The following NBPF6 variants were observed in gnomAD, a reference collection of about 807,000 sequenced individuals.
The protein encoded by NBPF6 is NBPF family member NBPF6.
NBPF6 carries 2 observed loss-of-function variants against 20.8 expected under a neutral mutation model. The ratio of observed to expected loss-of-function variants is 0.10; its 90% CI spans 0.04 to 0.30. The LOEUF (loss-of-function observed/expected upper bound fraction) is 0.30, where lower values mean the gene tolerates loss of function less well. Among genes scored for constraint, NBPF6 ranks in the 10% least tolerant of loss-of-function variants. NBPF6 has a pLI of 1.00. For missense variants in NBPF6, 85 were observed against 260.3 expected (o/e 0.33, Z 4.63); for synonymous variants, 24 against 100.0 (o/e 0.24, Z 4.53).
At chr1:108,470,555 C>T (rs1558078582) in intron 14 of NBPF6, 42 bp from the exon 15 acceptor site, 8 of 1,507,978 alleles carry the variant, frequency 5.3e-6, no homozygotes, top group Admixed American at 4.4e-5. Context: ...GTGGACCTGA[C>T]AAAAATGCTC....
At chr1:108,469,716 G>A (rs1057070175) in intron 14 of NBPF6, among the ~76,000 whole-genome samples, 5 of 140,304 alleles carry the variant, frequency 3.6e-5, no homozygotes, top group African/African-American at 8.2e-5. Context: ...AAAATAAGTT[G>A]GGCCATGGTT....
chr1:108,459,557 A>G (rs1434439432), intron 9 of NBPF6, among the ~76,000 whole-genome samples: 4 of 140,802 alleles, frequency 2.8e-5, no homozygotes, highest in African/African-American at 1.0e-4. Context: ...CTCAAAACCT[A>G]TGTTTACTTG....
Position 108,467,658 on chromosome 1 carries a change from G to A in NBPF6, c.1868G>A (p.Ser623Asn), listed in dbSNP as rs1367194485. The A allele has an allele frequency of 6.5e-7, 1 of 1,549,332 alleles. No individual in the cohort carries two copies. The highest frequency in any genetic ancestry group is 2.4e-5 in the East Asian group (1 of 40,926). Residue 623 changes from serine to asparagine, a missense_variant, in exon 14 of 15, where the codon AGT becomes AAT. Ser to Asn is a conservative substitution (Grantham distance 46). Around this residue, in one of 5 missense-constraint regions of NBPF6, gnomAD observed 31 missense variants for 21.0 expected, o/e 1.48. Transcript: ENST00000495380. ...AFRFAGPHAE[S>N]AEIPNTAERM... The stretch of plus-strand genomic sequence containing the variant: ...AGATTCGCTGGCCCGCATGCTGAGA[G>A]TGCAGAGGTAATCACATCTATGGCT...
chr1:108,436,805 A>G, the NBPF6 span, among the ~76,000 whole-genome samples: 17 of 76,906 alleles, frequency 2.2e-4, no homozygotes, highest in African/African-American at 5.8e-4. Context: ...GTGTATAAAA[A>G]TAAGTAAAAA....
chr1:108,468,162 G>C (rs1379937233), intron 14 of NBPF6, among the ~76,000 whole-genome samples: 1 of 151,422 alleles, frequency 6.6e-6, no homozygotes, highest in African/African-American at 2.4e-5. Flanking sequence ...CTCTGAATGA[G>C]AAGTGTTAAA....
the NBPF6 span, among the ~76,000 whole-genome samples, chr1:108,437,747 A>G: frequency 2.2e-3 from 74 of 33,722 alleles, no homozygotes; most frequent in African/African-American, 6.3e-3. Flanking sequence ...GGAAGGAAGG[A>G]AAGGAAGGAA....
At chr1:108,459,254 C>T (rs1347689181) in intron 9 of NBPF6, 145 bp downstream of exon 9, 1 of 144,996 alleles carries the variant, frequency 6.9e-6, no homozygotes, top group African/African-American at 4.1e-5. Context: ...TTTACATTTT[C>T]ATTGTGAAAC....
At chr1:108,446,245 T>A (rs1368001574), upstream of NBPF6, among the ~76,000 whole-genome samples, 5 of 28,742 alleles carry the variant, frequency 1.7e-4, no homozygotes, top group African/African-American at 2.9e-4. Flanking sequence ...ATACAGTTAT[T>A]TAAAGCTTTT....
intron 9 of NBPF6, among the ~76,000 whole-genome samples, chr1:108,459,609 T>A (rs1160243782): frequency 1.4e-5 from 1 of 69,378 alleles, no homozygotes; most frequent in East Asian, 4.6e-4. Flanking sequence ...AAGAAAGGAA[T>A]GAAACCACTG....
rs1653426047 is a variant in NBPF6, at chr1:108,470,849, C to A, written c.*211C>A. On this transcript the variant is annotated 3_prime_UTR_variant, in exon 15 of 15. Coordinates refer to ENST00000495380, the MANE Select transcript of NBPF6 (RefSeq NM_001143988.2). ...AATTGTGATCAACACCTAGGGAGACCAATGCCCAGATGGACAAATAGCATT... is the reference window on the plus strand; with the variant it reads ...AATTGTGATCAACACCTAGGGAGACAAATGCCCAGATGGACAAATAGCATT... 2.3e-6 allele frequency: 1 copy of A among 433,488 alleles called. No homozygotes were observed. The highest frequency in any genetic ancestry group is 3.3e-5 in the South Asian group (1 of 30,752). 26.9% of individuals were successfully genotyped at this position (433,488 alleles called of 1,614,324 possible).
At chr1:108,448,230 G>C (rs920613750), upstream of NBPF6, among the ~76,000 whole-genome samples, 17 of 145,812 alleles carry the variant, frequency 1.2e-4, 1 homozygote, top group Non-Finnish European at 2.1e-4. Context: ...ACAGTGCTTT[G>C]AGATGTAGCA....
upstream of NBPF6, among the ~76,000 whole-genome samples, chr1:108,449,415 ACTATAT>A (rs1293424925): frequency 3.5e-3 from 34 of 9,580 alleles, 2 homozygotes; most frequent in Admixed American, 5.8e-3. Flanking sequence ...TGTTAGAACA[ACTATAT>A]ATATATATAT....
At position 108,470,907 on chromosome 1, in the gene NBPF6, C is replaced by T; in HGVS notation, c.*269C>T. 1 of 342,322 alleles carries T rather than the reference C, an allele frequency of 2.9e-6. No individual in the cohort carries two copies. Among genetic ancestry groups the T allele is most frequent in the Non-Finnish European group, 5.4e-6 (1 of 183,810 alleles). 21.2% of individuals were successfully genotyped at this position (342,322 alleles called of 1,614,324 possible). Reference sequence around the variant, plus strand: ...GTTAGCCCTGTTTCTCAATTCCCATCATGTAGAGAACAGGAGTCCGCAGCT... The same window carrying T: ...GTTAGCCCTGTTTCTCAATTCCCATTATGTAGAGAACAGGAGTCCGCAGCT... On this transcript the variant is annotated 3_prime_UTR_variant, in exon 15 of 15. Transcript: ENST00000495380.
chr1:108,467,693 A>G, intron 14 of NBPF6, 28 bp downstream of exon 14: 6 of 1,548,666 alleles, frequency 3.9e-6, no homozygotes, highest in Non-Finnish European at 5.2e-6. Flanking sequence ...TGATAGCTGC[A>G]CTCACTTCTT....
chr1:108,467,950 A>G (rs1192115034), intron 14 of NBPF6, among the ~76,000 whole-genome samples: 2 of 151,048 alleles, frequency 1.3e-5, no homozygotes. Flanking sequence ...ATCCAAGTAC[A>G]TAGTTTAAGC....
the NBPF6 span, among the ~76,000 whole-genome samples, chr1:108,436,371 G>GCCTAGT: frequency 1.2e-5 from 1 of 81,666 alleles, no homozygotes; most frequent in South Asian, 3.7e-4. Flanking sequence ...AGCACTTTGG[G>GCCTAGT]AGGCCGAGGT....
rs181719995 is a variant in NBPF6, at chr1:108,471,436, C to T, written c.*798C>T. Among the ~76,000 whole-genome samples the T allele has an allele frequency of 7.9e-5, 12 of 152,240 alleles. No homozygotes were observed. The highest frequency in any genetic ancestry group is 2.0e-4 in the Admixed American group (3 of 15,274). ...AGGCCCAGTGTGTCCATCCCCAGTG[C>T]GGTGATACTAGGATGTTCACTTGGT... On this transcript the variant is annotated 3_prime_UTR_variant, in exon 15 of 15. Transcript: ENST00000495380.
upstream of NBPF6, among the ~76,000 whole-genome samples, chr1:108,446,391 AT>A (rs1201619050): frequency 4.5e-5 from 1 of 22,260 alleles, no homozygotes; most frequent in African/African-American, 9.0e-5. Flanking sequence ...AAAAAAAAAA[AT>A]AGCCAGAAAT....
At chr1:108,436,620 A>T in the NBPF6 span, among the ~76,000 whole-genome samples, 36 of 68,874 alleles carry the variant, frequency 5.2e-4, no homozygotes, top group African/African-American at 1.5e-3. Flanking sequence ...AAAAGAAAAG[A>T]AAAGAAAAAA....
Sources: gnomAD v4.1 joint callset for allele counts (sites outside exome capture counted in the v4.1 genomes callset) on GRCh38, gnomAD v4.1.1 for gene constraint, gnomAD v4.1.1 regional missense constraint, MANE v1.5 for transcripts, NCBI Gene and HGNC (gene_info 2026-07-23, HGNC 2026-07-21) for gene names.